Variants in SHISA9 observed in about 807,000 individuals in gnomAD.
The protein encoded by SHISA9 is shisa family member 9, also known as protein shisa-9.
In SHISA9, 13 loss-of-function variants were observed where a neutral mutation model predicts 38.0. The observed-to-expected ratio is 0.34, with a 90% CI of 0.22 to 0.54. SHISA9 has a LOEUF of 0.54. Ranked by LOEUF, SHISA9 falls within the 20% of genes least tolerant of loss-of-function variation. The pLI is 0.91. For missense variants in SHISA9, 538 were observed against 575.8 expected, an observed-to-expected ratio of 0.93 and a Z score of 0.67; for synonymous variants, 275 against 242.0, an observed-to-expected ratio of 1.14 and a Z score of -1.27.
At chr16:13,282,079 C>G in the SHISA9 span, among the ~76,000 whole-genome samples, 1 of 151,720 alleles carries the variant, frequency 6.6e-6, no homozygotes, top group Non-Finnish European at 1.5e-5. Flanking sequence ...ACTTATTTAC[C>G]ATTTACAGTG....
intron 2 of SHISA9, among the ~76,000 whole-genome samples, chr16:12,990,714 G>T (rs77081430): frequency 0.017 from 2,589 of 152,208 alleles, 19 homozygotes; most frequent in African/African-American, 0.028. Context: ...AGGGATGCTG[G>T]TATACATCCC....
chr16:12,978,941 C>T (rs1311859638), intron 2 of SHISA9, among the ~76,000 whole-genome samples: 1 of 152,146 alleles, frequency 6.6e-6, no homozygotes, highest in East Asian at 1.9e-4. Flanking sequence ...GGAGAAGTTT[C>T]CATAATGAAA....
rs559381313 is a variant in SHISA9 at position 13,218,978 on chromosome 16, G to A, written c.895+5678G>A. Among the ~76,000 whole-genome samples, 16 of 152,314 alleles carry A rather than the reference G, an allele frequency of 1.1e-4. No homozygotes were observed. The South Asian group carries it at 1.4e-3, about 14-fold the overall frequency. On this transcript the variant is annotated intron_variant, in intron 4 of 4. Coordinates refer to ENST00000558583, the MANE Select transcript of SHISA9 (RefSeq NM_001145204.3). Reference sequence around the variant, plus strand: ...GTTATTGGTTTGGTCATGAGCCGCCGGGTGCAAAGCAGGTGGAAGACAGGA... The same window carrying A: ...GTTATTGGTTTGGTCATGAGCCGCCAGGTGCAAAGCAGGTGGAAGACAGGA...
At chr16:13,352,822 T>C in the SHISA9 span, among the ~76,000 whole-genome samples, 1 of 151,344 alleles carries the variant, frequency 6.6e-6, no homozygotes, top group Non-Finnish European at 1.5e-5. Flanking sequence ...GGGAGCTTTT[T>C]GAGCCAGGAT....
the SHISA9 span, among the ~76,000 whole-genome samples, chr16:13,390,690 C>A: frequency 6.6e-6 from 1 of 152,198 alleles, no homozygotes; most frequent in African/African-American, 2.4e-5. Context: ...ATGTTACAGT[C>A]ATTCACTATT....
chr16:13,505,531 A>T, the SHISA9 span, among the ~76,000 whole-genome samples: 2 of 152,266 alleles, frequency 1.3e-5, no homozygotes, highest in Non-Finnish European at 2.9e-5. Flanking sequence ...ATTGGTGAGG[A>T]CAAATAATAG....
At chr16:13,314,212 T>A in the SHISA9 span, among the ~76,000 whole-genome samples, 35 of 151,658 alleles carry the variant, frequency 2.3e-4, no homozygotes, top group Admixed American at 5.9e-4. Flanking sequence ...CATTTTTTTT[T>A]ATTTTTTTAT....
chr16:13,477,575 C>A, the SHISA9 span, among the ~76,000 whole-genome samples: 1 of 152,198 alleles, frequency 6.6e-6, no homozygotes, highest in African/African-American at 2.4e-5. Context: ...ATTTCAAAGC[C>A]TCTTTGCACC....
chr16:12,976,053 G>A (rs1165272566), intron 2 of SHISA9, among the ~76,000 whole-genome samples: 2 of 152,016 alleles, frequency 1.3e-5, no homozygotes, highest in East Asian at 3.9e-4. Flanking sequence ...GCAAATTCAT[G>A]AGTTGTCTTT....
chr16:13,338,329 T>G, the SHISA9 span, among the ~76,000 whole-genome samples: 68 of 152,256 alleles, frequency 4.5e-4, no homozygotes, highest in African/African-American at 1.6e-3. Context: ...ATGGCTCTTT[T>G]ACTTGCAACA....
the SHISA9 span, among the ~76,000 whole-genome samples, chr16:13,500,695 T>C: frequency 6.6e-6 from 1 of 152,198 alleles, no homozygotes; most frequent in African/African-American, 2.4e-5. Flanking sequence ...ATTATGTAAC[T>C]ACTGGTGTCT....
chr16:13,183,271 G>A (rs1208648457), intron 2 of SHISA9, among the ~76,000 whole-genome samples: 2 of 152,216 alleles, frequency 1.3e-5, no homozygotes, highest in African/African-American at 2.4e-5. Context: ...GGGAGATATT[G>A]TGATGGTCAT....
chr16:13,441,426 G>T, the SHISA9 span, among the ~76,000 whole-genome samples: 21 of 152,140 alleles, frequency 1.4e-4, no homozygotes, highest in African/African-American at 4.1e-4. Context: ...TCTGTGTTTG[G>T]AGTTCTAAGT....
the SHISA9 span, among the ~76,000 whole-genome samples, chr16:13,357,482 T>C: frequency 6.6e-6 from 1 of 152,132 alleles, no homozygotes; most frequent in Admixed American, 6.5e-5. Context: ...GGACTTGAGG[T>C]CGTAGGTGGA....
the SHISA9 span, among the ~76,000 whole-genome samples, chr16:13,359,543 C>G: frequency 2.0e-5 from 3 of 152,124 alleles, no homozygotes; most frequent in African/African-American, 7.2e-5. Context: ...TTGCTCAGAA[C>G]TGGCAGCATG....
chr16:13,368,404 A>T, the SHISA9 span, among the ~76,000 whole-genome samples: 3 of 152,076 alleles, frequency 2.0e-5, no homozygotes, highest in Non-Finnish European at 1.5e-5. Flanking sequence ...ATTCAAAAAC[A>T]TGCTAATTAA....
At chr16:13,468,650 G>A in the SHISA9 span, among the ~76,000 whole-genome samples, 1 of 152,082 alleles carries the variant, frequency 6.6e-6, no homozygotes, top group Non-Finnish European at 1.5e-5. Flanking sequence ...ACTCTAGGAG[G>A]TGAATCTGTA....
intron 1 of SHISA9, chr16:12,910,818 G>C (rs1241594621): frequency 1.2e-6 from 1 of 805,404 alleles, no homozygotes; most frequent in African/African-American, 1.8e-5. Context: ...CAGAGCCTCT[G>C]TACTTGTACA....
chr16:13,317,759 C>G, the SHISA9 span, among the ~76,000 whole-genome samples: 1 of 152,204 alleles, frequency 6.6e-6, no homozygotes, highest in Admixed American at 6.5e-5. Context: ...TCTGTCCCTT[C>G]ATGTGTCAAA....
Sources: allele counts gnomAD v4.1 joint callset (sites outside exome capture counted in the v4.1 genomes callset), GRCh38; gene constraint gnomAD v4.1.1; transcripts MANE v1.5; gene names NCBI Gene and HGNC (gene_info 2026-07-23, HGNC 2026-07-21).